HMX1: variants seen among roughly 807,000 people sequenced by gnomAD.
HMX1 encodes the protein H6 family homeobox 1.
A neutral mutation model predicts 8.9 loss-of-function variants in HMX1; 8 were observed. The observed-to-expected ratio is 0.90, with a 90% CI of 0.53 to 1.63. HMX1 has a LOEUF of 1.63. Among genes scored for constraint, HMX1 ranks in the 40% most tolerant of loss-of-function variants. The pLI is 0.00. For synonymous variants in HMX1, 311 were observed against 283.4 expected (o/e 1.10, Z -0.98); for missense variants, 621 against 558.5 (o/e 1.11, Z -1.13).
At chr4:8,865,677 G>C (rs1330266700), downstream of HMX1, among the ~76,000 whole-genome samples, 1 of 151,976 alleles carries the variant, frequency 6.6e-6, no homozygotes, top group East Asian at 1.9e-4. Context: ...GGGGCGGGGG[G>C]TGAGGGTTGG....
chr4:8,866,635 G>C (rs1380875984), downstream of HMX1, among the ~76,000 whole-genome samples: 1 of 152,232 alleles, frequency 6.6e-6, no homozygotes, highest in Admixed American at 6.5e-5. Flanking sequence ...GCCTGACCTT[G>C]AGTGCCACGG....
downstream of HMX1, among the ~76,000 whole-genome samples, chr4:8,865,686 G>C (rs1414858353): frequency 6.6e-6 from 1 of 152,164 alleles, no homozygotes; most frequent in Non-Finnish European, 1.5e-5. Context: ...GGTGAGGGTT[G>C]GGACTTTGCC....
downstream of HMX1, among the ~76,000 whole-genome samples, chr4:8,864,061 T>C (rs1419281039): frequency 6.6e-6 from 1 of 152,188 alleles, no homozygotes; most frequent in Non-Finnish European, 1.5e-5. Context: ...ATTCAGCTTT[T>C]ATAGTCCCAG....
At chr4:8,861,363 C>G (rs956572011) in intron 1 of HMX1, among the ~76,000 whole-genome samples, 4 of 152,152 alleles carry the variant, frequency 2.6e-5, no homozygotes, top group South Asian at 2.1e-4. Context: ...CCGCGCTTCC[C>G]GCGGCCTGTG....
chr4:8,846,206 T>C, exon 2 of HMX1: 1 of 1,475,200 alleles, frequency 6.8e-7, no homozygotes. Context: ...ATCCAGTCCC[T>C]GCGGCCTCCT....
intron 1 of HMX1, among the ~76,000 whole-genome samples, chr4:8,869,130 G>C (rs1344762468): frequency 6.6e-6 from 1 of 152,212 alleles, no homozygotes; most frequent in Non-Finnish European, 1.5e-5. Context: ...ACACTTTCAA[G>C]ACTGGAGGTT....
downstream of HMX1, among the ~76,000 whole-genome samples, chr4:8,865,629 G>T (rs1156743892): frequency 6.6e-6 from 1 of 152,146 alleles, no homozygotes; most frequent in Non-Finnish European, 1.5e-5. Flanking sequence ...AGTCAGGGGT[G>T]CGAGGTCTAG....
At chr4:8,851,839 C>G (rs550394403) in intron 1 of HMX1, among the ~76,000 whole-genome samples, 1 of 152,374 alleles carries the variant, frequency 6.6e-6, no homozygotes, top group East Asian at 1.9e-4. Flanking sequence ...TCATTCCCAC[C>G]AGCAGCCCAG....
At chr4:8,863,058 C>CA (rs1721880891), downstream of HMX1, among the ~76,000 whole-genome samples, 1 of 744 alleles carries the variant, frequency 1.3e-3, no homozygotes, top group Admixed American at 0.012. Flanking sequence ...GTGGCTGGGA[C>CA]CCACTTCCCA....
chr4:8,856,561 C>G (rs1721614147), intron 1 of HMX1, among the ~76,000 whole-genome samples: 1 of 152,090 alleles, frequency 6.6e-6, no homozygotes, highest in African/African-American at 2.4e-5. Context: ...AGACATTTTT[C>G]TTTCTTAAAA....
chr4:8,862,967 C>T (rs923416374), downstream of HMX1, among the ~76,000 whole-genome samples: 3 of 152,158 alleles, frequency 2.0e-5, no homozygotes, highest in Non-Finnish European at 2.9e-5. Context: ...CCGTTTCCCT[C>T]CAGGGCAGTC....
downstream of HMX1, among the ~76,000 whole-genome samples, chr4:8,865,576 CA>C (rs890917877): frequency 6.6e-6 from 1 of 151,812 alleles, no homozygotes; most frequent in African/African-American, 2.4e-5. Flanking sequence ...GAGGCCAGCA[CA>C]AAAGCGACAG....
intron 1 of HMX1, among the ~76,000 whole-genome samples, chr4:8,861,688 C>CGAAG (rs576418784): frequency 0.027 from 4,091 of 152,296 alleles, 199 homozygotes; most frequent in African/African-American, 0.093. Flanking sequence ...CCCGAGGAGG[C>CGAAG]CCACAGCTCT....
At chr4:8,856,056 C>T (rs1721599868) in intron 1 of HMX1, among the ~76,000 whole-genome samples, 1 of 152,194 alleles carries the variant, frequency 6.6e-6, no homozygotes, top group Admixed American at 6.5e-5. Flanking sequence ...ATAGAACAAA[C>T]GTGTGCTCAT....
downstream of HMX1, among the ~76,000 whole-genome samples, chr4:8,863,229 G>A (rs1330270673): frequency 1.3e-5 from 2 of 152,224 alleles, no homozygotes; most frequent in African/African-American, 4.8e-5. Flanking sequence ...GCGCCGGGGA[G>A]CCTCAGTGCC....
downstream of HMX1, among the ~76,000 whole-genome samples, chr4:8,864,609 C>T (rs977679048): frequency 2.0e-5 from 3 of 152,210 alleles, no homozygotes; most frequent in African/African-American, 7.2e-5. Context: ...CGCTTGCTCT[C>T]CAGGGCTCTC....
chr4:8,850,787 G>A (rs1026441234), intron 1 of HMX1, among the ~76,000 whole-genome samples: 1 of 152,156 alleles, frequency 6.6e-6, no homozygotes, highest in Non-Finnish European at 1.5e-5. Context: ...CTCGGTCTTC[G>A]CTCCTGGTCT....
chr4:8,871,520 G>A lies in HMX1; in HGVS notation c.95C>T (p.Ala32Val). 1.5e-6 allele frequency: 2 copies of A among 1,342,674 alleles called. No homozygotes were observed. Among genetic ancestry groups the A allele is most frequent in the South Asian group, 1.7e-5 (1 of 59,694 alleles). 83.2% of individuals were successfully genotyped at this position (1,342,674 alleles called of 1,614,324 possible). The change falls in exon 1 of 2, where the codon GCA (alanine) becomes GTA (valine). Residue 32 changes from alanine to valine, a missense_variant. Physicochemically the swap from Ala to Val is moderately conservative, Grantham distance 64 (BLOSUM62 0). Coordinates refer to ENST00000400677, the MANE Select transcript of HMX1 (RefSeq NM_018942.3). This position sits in a 1 kb window ranked among gnomAD's most constrained non-coding sequence, Gnocchi z 4.8. ...ENLLAAEAKG[A>V]GRATQGDGSR... is the part of the protein sequence containing the mutation. Reference sequence around the variant, plus strand: ...GCCGTCGCCCTGGGTCGCGCGCCCTGCGCCCTTGGCCTCGGCCGCCAGCAG... The same window carrying A: ...GCCGTCGCCCTGGGTCGCGCGCCCTACGCCCTTGGCCTCGGCCGCCAGCAG...
rs1056281837 is a variant in HMX1, at chr4:8,870,944, C to T, written c.394+277G>A. On this transcript the variant is annotated intron_variant, in intron 1 of 1. Coordinates refer to ENST00000400677, the MANE Select transcript of HMX1 (RefSeq NM_018942.3). This position sits in a 1 kb window ranked among gnomAD's most constrained non-coding sequence, Gnocchi z 4.4. The stretch of plus-strand genomic sequence containing the variant: ...CTTTTTTCTTTGGCCTCCTGTTGTC[C>T]CCTGTCCCCAGCCTCCCTGGGACCG... Among the ~76,000 whole-genome samples the T allele has an allele frequency of 1.2e-4, 19 of 152,080 alleles. No individual in the cohort carries two copies. The highest frequency in any genetic ancestry group is 4.1e-4 in the African/African-American group (17 of 41,406).
Sources: gnomAD v4.1 joint callset for allele counts (sites outside exome capture counted in the v4.1 genomes callset) on GRCh38, gnomAD v4.1.1 for gene constraint, Gnocchi (gnomAD v3.1) non-coding constraint, MANE v1.5 for transcripts, NCBI Gene and HGNC (gene_info 2026-07-23, HGNC 2026-07-21) for gene names.